The following CARD14 variants were observed in gnomAD, a reference collection of about 807,000 sequenced individuals.
The protein encoded by CARD14 is caspase recruitment domain family member 14.
In CARD14, 107 loss-of-function variants were observed where a neutral mutation model predicts 111.5. The ratio of observed to expected loss-of-function variants is 0.96; its 90% CI spans 0.82 to 1.13. The LOEUF is 1.13. Ranked by LOEUF, CARD14 falls within the 50% of genes most tolerant of loss-of-function variation. The probability of loss-of-function intolerance (pLI) is 0.00; values close to 1 mark genes in which losing one functional copy is unlikely to be tolerated. For missense variants in CARD14, 1,322 were observed against 1,362.3 expected (o/e 0.97, Z 0.47); for synonymous variants, 617 against 579.6 (o/e 1.06, Z -0.93).
chr17:80,191,425 G>A lies in CARD14; in HGVS notation c.1192G>A (p.Glu398Lys), dbSNP rs139740020. Residue 398 changes from glutamate (E) to lysine (K), a missense_variant, in exon 11 of 24, where the codon GAG (glutamate) becomes AAG (lysine). Coordinates refer to ENST00000648509, the MANE Select transcript of CARD14 (RefSeq NM_001366385.1). The part of the protein sequence containing the change: ...QVFELTDQVC[E>K]LRTQLRQLQA... ...GTTCGAGCTGACGGACCAGGTCTGC[G>A]AGCTGCGCACACAGCTTCGCCAGCT... 5.6e-6 allele frequency: 9 copies of A among 1,613,614 alleles called. No individual in the cohort carries two copies. Among genetic ancestry groups the A allele is most frequent in the East Asian group, 4.5e-5 (2 of 44,880 alleles).
chr17:80,188,532 G>A lies in CARD14; in HGVS notation c.831G>A (p.Leu277=). The part of the protein sequence containing the change: ...LKEENEKLRS[L]TFSLAEKDIL... ...AGGAGAATGAGAAACTGCGCTCGCT[G>A]ACTTTCAGCCTGGTAGGTTCCGGTC... Residue 277 remains leucine, a synonymous_variant, in exon 8 of 24, where the codon CTG becomes CTA. Transcript: ENST00000648509. The surrounding 1 kb of genome is among the most constrained non-coding windows in gnomAD (Gnocchi z 4.5). The A allele has an allele frequency of 6.6e-7, 1 of 1,516,518 alleles. No homozygotes were observed. Among genetic ancestry groups the A allele is most frequent in the Non-Finnish European group, 8.8e-7 (1 of 1,130,910 alleles). 93.9% of individuals were successfully genotyped at this position (1,516,518 alleles called of 1,614,324 possible). A position where few individuals can be genotyped will look rare whatever the true frequency, so the allele number is the denominator to read the frequency against.
rs751810450 is a variant in CARD14 at position 80,182,631 on chromosome 17, A to G, written c.212-22A>G. The G allele has an allele frequency of 6.2e-7, 1 of 1,613,306 alleles. No individual in the cohort carries two copies. Among genetic ancestry groups the G allele is most frequent in the East Asian group, 2.2e-5 (1 of 44,838 alleles). ...CCCTTGGTAGCTGGGTTCTGCCCAG[A>G]CAGACGGTTCTGCCTCCCAAGGGCA... On this transcript the variant is annotated intron_variant, in intron 5 of 23. Coordinates refer to ENST00000648509, the MANE Select transcript of CARD14 (RefSeq NM_001366385.1). The surrounding 1 kb of genome is among the most constrained non-coding windows in gnomAD (Gnocchi z 4.7).
At position 80,190,771 on chromosome 17, in the gene CARD14, C is replaced by T. The variant is rs1211562073; in HGVS notation, c.964-3C>T. 1.9e-6 allele frequency: 3 copies of T among 1,613,950 alleles called. No homozygotes were observed. The African/African-American group carries it at 4.0e-5, about 22-fold the overall frequency. On this transcript the variant is annotated splice_polypyrimidine_tract_variant and splice_region_variant and intron_variant, in intron 9 of 23. Transcript: ENST00000648509. ...CACGGTCCATGTGTCCCACTCTGTC[C>T]AGTACTGGGAAGAGAAGGAACAGAC... is the stretch of plus-strand genomic sequence containing the variant.
At position 80,208,379 on chromosome 17, in the gene CARD14, T is replaced by C; in HGVS notation, c.*34T>C. 6.6e-7 allele frequency: 1 copy of C among 1,521,500 alleles called. No individual in the cohort carries two copies. The allele number at this position is 1,521,500 out of a possible 1,614,324, so 94.2% of individuals were successfully genotyped here. ...GCCCCTTCCCGGGACTGTGGGGGCT[T>C]CTGTGTGCCTGTTAATGCAGTCCTG... On this transcript the variant is annotated 3_prime_UTR_variant, in exon 24 of 24. Coordinates refer to ENST00000648509, the MANE Select transcript of CARD14 (RefSeq NM_001366385.1).
intron 7 of CARD14, chr17:80,187,665 C>A: frequency 1.4e-6 from 1 of 709,588 alleles, no homozygotes; most frequent in Non-Finnish European, 1.7e-6. Flanking sequence ...CAGGGGTGAG[C>A]ACCGGCACCC....
chr17:80,192,675 G>A lies in CARD14; in HGVS notation c.1356+56G>A, dbSNP rs553050144. 456 of 1,341,882 alleles carry A rather than the reference G, an allele frequency of 3.4e-4. 3 individuals are homozygous for A. Among genetic ancestry groups the A allele is most frequent in the South Asian group, 2.7e-3 (223 of 81,362 alleles). 83.1% of individuals were successfully genotyped at this position (1,341,882 alleles called of 1,614,324 possible). ...CCTTGACCCTCTGGGCCAGCCCAGG[G>A]GCCTCTCTGTCAGGACGAAAGTGAG... is the stretch of plus-strand genomic sequence containing the variant. On this transcript the variant is annotated intron_variant, in intron 12 of 23. Transcript: ENST00000648509.
At position 80,204,260 on chromosome 17, in the gene CARD14, A is replaced by T. The variant is rs754681974; in HGVS notation, c.2317A>T (p.Ile773Phe). ...TGGGGGACCACAGAAGCTGGTCCGCATCGTCAGTATGGACAAAGCCAAGGC... is the reference window on the plus strand; with the variant it reads ...TGGGGGACCACAGAAGCTGGTCCGCTTCGTCAGTATGGACAAAGCCAAGGC... ...SSGGPQKLVR[I>F]VSMDKAKASP... Residue 773 changes from isoleucine to phenylalanine, a missense_variant, in exon 20 of 24, where the codon ATC (isoleucine) becomes TTC (phenylalanine). By Grantham distance (21) the Ile-to-Phe change is conservative. Coordinates refer to ENST00000648509, the MANE Select transcript of CARD14 (RefSeq NM_001366385.1). 9 of 1,598,344 alleles carry T rather than the reference A, an allele frequency of 5.6e-6. No homozygotes were observed. The highest frequency in any genetic ancestry group is 1.3e-5 in the African/African-American group (1 of 74,620).
At chr17:80,176,697 A>G (rs2040034252) in intron 2 of CARD14, among the ~76,000 whole-genome samples, 1 of 152,116 alleles carries the variant, frequency 6.6e-6, no homozygotes, top group African/African-American at 2.4e-5. Context: ...ATTGCTCGCT[A>G]TTGCTGCCTT....
At position 80,204,549 on chromosome 17, in the gene CARD14, G is replaced by T. The variant is rs148464782; in HGVS notation, c.2398+208G>T. The T allele has an allele frequency of 3.6e-5, 17 of 474,618 alleles. No individual in the cohort carries two copies. In the East Asian group the frequency reaches 5.6e-4, roughly 16 times the overall value. The allele number at this position is 474,618 out of a possible 1,614,324, so 29.4% of individuals were successfully genotyped here. ...TGAGGCAGGAGAATCGCCTGAACCCGGGAGGCAGAGGTGGCAGTGAGCCGA... is the reference window on the plus strand; with the variant it reads ...TGAGGCAGGAGAATCGCCTGAACCCTGGAGGCAGAGGTGGCAGTGAGCCGA... On this transcript the variant is annotated intron_variant, in intron 20 of 23. Transcript: ENST00000648509.
chr17:80,184,064 C>G lies in CARD14; in HGVS notation c.501C>G (p.Ala167=), dbSNP rs767412272. 6.3e-7 allele frequency: 1 copy of G among 1,585,698 alleles called. No homozygotes were observed. Among genetic ancestry groups the G allele is most frequent in the Admixed American group, 1.8e-5 (1 of 55,164 alleles). ...ACCTGGGCCTGGCCGAGACCCGTGC[C>G]GAGGGCCTGCACCAGCTGGAGGCTG... ...QEHLGLAETR[A]EGLHQLEADH... The change falls in exon 7 of 24, where the codon GCC becomes GCG. Residue 167 remains alanine (A), a synonymous_variant. Transcript: ENST00000648509.
In CARD14 at chr17:80,198,231, G is replaced by C; in HGVS notation, c.1658+69G>C. On this transcript the variant is annotated intron_variant, in intron 15 of 23. Transcript: ENST00000648509. The surrounding 1 kb of genome is among the most constrained non-coding windows in gnomAD (Gnocchi z 7.5). The stretch of plus-strand genomic sequence containing the variant: ...GGGCCAGGGAGTGGCAGAGCAGAGG[G>C]TGAGTGTCCTATTACCAATGGGAGG... 2 of 1,588,370 alleles carry C rather than the reference G, an allele frequency of 1.3e-6. No individual in the cohort carries two copies. The highest frequency in any genetic ancestry group is 1.7e-6 in the Non-Finnish European group (2 of 1,157,984).
chr17:80,174,977 C>A (rs1432169027), intron 2 of CARD14, among the ~76,000 whole-genome samples: 1 of 151,838 alleles, frequency 6.6e-6, no homozygotes, highest in Non-Finnish European at 1.5e-5. Flanking sequence ...TTTTTTCTTT[C>A]TTTCTTTTTT....
chr17:80,182,699 C>A lies in CARD14; in HGVS notation c.258C>A (p.Ile86=). 1 of 1,614,146 alleles carries A rather than the reference C, an allele frequency of 6.2e-7. No homozygotes were observed. The highest frequency in any genetic ancestry group is 8.5e-7 in the Non-Finnish European group (1 of 1,180,012). ...AGACTCGAGGGAAGAACGGGGCCAT[C>A]GCCTTCCTGGAGAGCCTGAAGTTCC... ...LLKTRGKNGA[I]AFLESLKFHN... Residue 86 remains isoleucine (I), a synonymous_variant, in exon 6 of 24, where the codon ATC becomes ATA. Coordinates refer to ENST00000648509, the MANE Select transcript of CARD14 (RefSeq NM_001366385.1). This position sits in a 1 kb window ranked among gnomAD's most constrained non-coding sequence, Gnocchi z 4.7.
intron 1 of CARD14, among the ~76,000 whole-genome samples, chr17:80,171,357 C>T (rs1463685485): frequency 6.6e-6 from 1 of 150,696 alleles, no homozygotes; most frequent in African/African-American, 2.4e-5. Flanking sequence ...CTTGCTCTGT[C>T]ACCCAGGCTG....
In CARD14 at chr17:80,182,377, G is replaced by A. The variant is rs373153874; in HGVS notation, c.212-276G>A. ...CTCCTCACCCCGTCCCGGTCCCCCC[G>A]CACTCGCCAGAGCACTGGGGTTGCA... On this transcript the variant is annotated intron_variant, in intron 5 of 23. Transcript: ENST00000648509. This position sits in a 1 kb window ranked among gnomAD's most constrained non-coding sequence, Gnocchi z 4.7. Among the ~76,000 whole-genome samples, 3 of 152,186 alleles carry A rather than the reference G, an allele frequency of 2.0e-5. No homozygotes were observed. The highest frequency in any genetic ancestry group is 4.4e-5 in the Non-Finnish European group (3 of 68,024).
At chr17:80,183,118 T>C (rs921618989) in intron 6 of CARD14, among the ~76,000 whole-genome samples, 1 of 152,194 alleles carries the variant, frequency 6.6e-6, no homozygotes, top group Non-Finnish European at 1.5e-5. Flanking sequence ...AGTCCGCCTT[T>C]AACCTTGCGG....
chr17:80,181,706 C>T, intron 5 of CARD14, 57 bp downstream of exon 5: 2 of 1,449,732 alleles, frequency 1.4e-6, no homozygotes, highest in South Asian at 1.3e-5. Flanking sequence ...CACATGGCTC[C>T]ACTGTCTGCC....
Position 80,189,642 on chromosome 17 carries a change from A to C in CARD14, c.844-111A>C. 1 of 1,308,070 alleles carries C rather than the reference A, an allele frequency of 7.6e-7. No individual in the cohort carries two copies. The highest frequency in any genetic ancestry group is 1.0e-6 in the Non-Finnish European group (1 of 997,096). 81.0% of individuals were successfully genotyped at this position (1,308,070 alleles called of 1,614,324 possible). On this transcript the variant is annotated intron_variant, in intron 8 of 23. Coordinates refer to ENST00000648509, the MANE Select transcript of CARD14 (RefSeq NM_001366385.1). The surrounding 1 kb of genome is among the most constrained non-coding windows in gnomAD (Gnocchi z 4.7). ...GCCCGGTGTAGAGTGGCAAGACTGC[A>C]TCCGTCCACACACCTGACCGTGCAG...
In CARD14 at chr17:80,208,423, C is replaced by A; in HGVS notation, c.*78C>A. 1 of 1,326,116 alleles carries A rather than the reference C, an allele frequency of 7.5e-7. No homozygotes were observed. The highest frequency in any genetic ancestry group is 1.0e-6 in the Non-Finnish European group (1 of 980,250). 82.1% of individuals were successfully genotyped at this position (1,326,116 alleles called of 1,614,324 possible). On this transcript the variant is annotated 3_prime_UTR_variant, in exon 24 of 24. Transcript: ENST00000648509. ...AGTCCTGTTCCTCAGCCCAGGCCCT[C>A]TTGGCACAGCTGTGGGCTCCTTGGC... is the stretch of plus-strand genomic sequence containing the variant.
Sources: allele counts gnomAD v4.1 joint callset (sites outside exome capture counted in the v4.1 genomes callset), GRCh38; gene constraint gnomAD v4.1.1; non-coding constraint Gnocchi (gnomAD v3.1); transcripts MANE v1.5; gene names NCBI Gene and HGNC (gene_info 2026-07-23, HGNC 2026-07-21).